BAG3: variants seen among roughly 807,000 people sequenced by gnomAD.
BAG3 encodes BAG cochaperone 3.
A neutral mutation model predicts 40.5 loss-of-function variants in BAG3; 14 were observed. The observed-to-expected ratio is 0.35, with a 90% CI of 0.23 to 0.54. The LOEUF is 0.54. Ranked by LOEUF, BAG3 falls within the 20% of genes least tolerant of loss-of-function variation. BAG3 has a pLI of 0.91. For missense variants in BAG3, 788 were observed against 758.6 expected (o/e 1.04, Z -0.46); for synonymous variants, 302 against 307.8 (o/e 0.98, Z 0.20).
chr10:119,671,317 A>G (rs1319456461), intron 2 of BAG3, among the ~76,000 whole-genome samples: 1 of 152,246 alleles, frequency 6.6e-6, no homozygotes, highest in African/African-American at 2.4e-5. Flanking sequence ...AAAATAAAAA[A>G]ATAAGTAATG....
chr10:119,658,250 C>T (rs979049510), intron 1 of BAG3, among the ~76,000 whole-genome samples: 4 of 152,218 alleles, frequency 2.6e-5, no homozygotes, highest in African/African-American at 9.6e-5. Context: ...CCTTCATGTG[C>T]AGAAGAAAAG....
chr10:119,670,086 G>A lies in BAG3; in HGVS notation c.416G>A (p.Arg139Gln), dbSNP rs769913236. 26 of 1,613,670 alleles carry A rather than the reference G, an allele frequency of 1.6e-5. No individual in the cohort carries two copies. The highest frequency in any genetic ancestry group is 2.2e-5 in the East Asian group (1 of 44,874). Residue 139 changes from arginine (R) to glutamine (Q), a missense_variant, in exon 2 of 4, where the codon CGG becomes CAG. Physicochemically the swap from Arg to Gln is conservative, Grantham distance 43. Coordinates refer to ENST00000369085, the MANE Select transcript of BAG3 (RefSeq NM_004281.4). ...AAPQRSQSPL[R>Q]GMPETTQPDK... ...CCTCAGAGGTCCCAGTCACCTCTGC[G>A]GGGCATGCCAGAAACCACTCAGCCA...
At chr10:119,652,648 A>AGAAT (rs1846859923) in intron 1 of BAG3, among the ~76,000 whole-genome samples, 1 of 152,192 alleles carries the variant, frequency 6.6e-6, no homozygotes, top group South Asian at 2.1e-4. Flanking sequence ...GGAGAGAAAG[A>AGAAT]GAATGATACG....
At position 119,656,782 on chromosome 10, in the gene BAG3, C is replaced by CACAT. The variant is rs1023421080; in HGVS notation, c.180+4930_180+4931insTACA. 42 of 152,154 alleles carry CACAT rather than the reference C, an allele frequency of 2.8e-4. 1 individual carries two copies. Among genetic ancestry groups the CACAT allele is most frequent in the African/African-American group, 1.0e-3 (42 of 41,516 alleles). 9.4% of individuals were successfully genotyped at this position (152,154 alleles called of 1,614,324 possible). On this transcript the variant is annotated intron_variant, in intron 1 of 3. Transcript: ENST00000369085. ...AATGTAGTATTTTTCTGTCTGTCAA[C>CACAT]ACACACACATATATATATATATGTG...
Position 119,669,809 on chromosome 10 carries a change from C to T in BAG3, c.181-42C>T, listed in dbSNP as rs763248776. 52 of 1,588,848 alleles carry T rather than the reference C, an allele frequency of 3.3e-5. No individual in the cohort carries two copies. The East Asian group carries it at 1.1e-3, about 35-fold the overall frequency. ...TTCCTCTGCCAGGAGGGTTCACTTC[C>T]CAGTTTCTAACCAGCCTGTGTTTCT... is the stretch of plus-strand genomic sequence containing the variant. On this transcript the variant is annotated intron_variant, in intron 1 of 3. Transcript: ENST00000369085.
At chr10:119,666,821 C>T (rs1470820784) in intron 1 of BAG3, among the ~76,000 whole-genome samples, 2 of 152,146 alleles carry the variant, frequency 1.3e-5, no homozygotes, top group Non-Finnish European at 2.9e-5. Flanking sequence ...GAGTTTTACA[C>T]AGCCATACAC....
At chr10:119,668,089 C>T (rs568837487) in intron 1 of BAG3, among the ~76,000 whole-genome samples, 127 of 152,314 alleles carry the variant, frequency 8.3e-4, no homozygotes, top group African/African-American at 2.7e-3. Context: ...AATGTAATGC[C>T]GCCGCCCTGA....
intron 1 of BAG3, among the ~76,000 whole-genome samples, chr10:119,665,939 A>G (rs1278890039): frequency 6.6e-6 from 1 of 152,190 alleles, no homozygotes; most frequent in Non-Finnish European, 1.5e-5. Context: ...CCAGGAATAC[A>G]GACCTCGGGA....
At chr10:119,674,616 A>G (rs1486060177) in intron 3 of BAG3, among the ~76,000 whole-genome samples, 3 of 152,180 alleles carry the variant, frequency 2.0e-5, no homozygotes, top group African/African-American at 7.2e-5. Flanking sequence ...CAGTTGATGA[A>G]ATTAGGGTGA....
chr10:119,670,223 G>A, intron 2 of BAG3, 46 bp downstream of exon 2: 1 of 1,569,256 alleles, frequency 6.4e-7, no homozygotes, highest in Middle Eastern at 2.1e-4. Flanking sequence ...GCAAGCCGCT[G>A]TGCTTCCCAG....
At position 119,672,476 on chromosome 10, in the gene BAG3, C is replaced by A; in HGVS notation, c.729C>A (p.His243Gln). The A allele has an allele frequency of 6.2e-7, 1 of 1,614,224 alleles. No individual in the cohort carries two copies. The highest frequency in any genetic ancestry group is 1.7e-5 in the Admixed American group (1 of 60,024). ...CGCAGCAGGGGGAGTACCAGACCCA[C>A]CAGCCTGTGTACCACAAGATCCAGG... ...YPAQQGEYQT[H>Q]QPVYHKIQGD... Residue 243 changes from histidine (H) to glutamine (Q), a missense_variant, in exon 3 of 4, where the codon CAC becomes CAA. Transcript: ENST00000369085. This position sits in a 1 kb window ranked among gnomAD's most constrained non-coding sequence, Gnocchi z 4.8.
chr10:119,651,650 C>G lies in BAG3; in HGVS notation c.-26C>G. 2 of 1,522,076 alleles carry G rather than the reference C, an allele frequency of 1.3e-6. No homozygotes were observed. Among genetic ancestry groups the G allele is most frequent in the Non-Finnish European group, 1.8e-6 (2 of 1,132,912 alleles). 94.3% of individuals were successfully genotyped at this position (1,522,076 alleles called of 1,614,324 possible). ...CCGGAGCCAGCGCCCCGCACCCGCG[C>G]CCCAGCGGGCAGACCCCAACCCAGC... On this transcript the variant is annotated 5_prime_UTR_variant, in exon 1 of 4. Coordinates refer to ENST00000369085, the MANE Select transcript of BAG3 (RefSeq NM_004281.4).
chr10:119,675,635 A>C (rs1464879202), intron 3 of BAG3, among the ~76,000 whole-genome samples: 1 of 152,208 alleles, frequency 6.6e-6, no homozygotes, highest in Non-Finnish European at 1.5e-5. Flanking sequence ...GTAAGGAAGA[A>C]GGACCAGAGG....
At chr10:119,663,064 G>A (rs2134058504) in intron 1 of BAG3, among the ~76,000 whole-genome samples, 1 of 152,306 alleles carries the variant, frequency 6.6e-6, no homozygotes, top group South Asian at 2.1e-4. Flanking sequence ...CAAGATTGGG[G>A]CTCACAGAAG....
intron 1 of BAG3, among the ~76,000 whole-genome samples, chr10:119,666,974 TTTCTTTTTTTTC>T (rs1224044952): frequency 7.2e-5 from 11 of 152,336 alleles, no homozygotes; most frequent in Admixed American, 5.2e-4. Flanking sequence ...TACTTCACTT[TTTCTTTTTTTTC>T]TTCTTTTTGA....
intron 1 of BAG3, among the ~76,000 whole-genome samples, chr10:119,661,607 A>G (rs1172679897): frequency 1.3e-5 from 2 of 152,152 alleles, no homozygotes; most frequent in African/African-American, 4.8e-5. Context: ...ACATAGGGAC[A>G]GTCATCTGTT....
chr10:119,661,596 C>G (rs1371339837), intron 1 of BAG3, among the ~76,000 whole-genome samples: 1 of 151,980 alleles, frequency 6.6e-6, no homozygotes, highest in South Asian at 2.1e-4. Context: ...CCATTGAAAA[C>G]ACATAGGGAC....
Position 119,659,114 on chromosome 10 carries a change from G to T in BAG3, c.180+7259G>T, listed in dbSNP as rs140063042. ...TGGAGCCCTCCCTGGGGCTTCCCGT[G>T]CCCCTTGTGAGTGGAGGATGTAAAG... On this transcript the variant is annotated intron_variant, in intron 1 of 3. Coordinates refer to ENST00000369085, the MANE Select transcript of BAG3 (RefSeq NM_004281.4). Among the ~76,000 whole-genome samples the T allele has an allele frequency of 4.6e-3, 697 of 152,304 alleles. 8 individuals carry two copies. Among genetic ancestry groups the T allele is most frequent in the African/African-American group, 0.016 (657 of 41,558 alleles).
intron 1 of BAG3, among the ~76,000 whole-genome samples, chr10:119,660,501 C>G (rs909117725): frequency 1.3e-5 from 2 of 152,148 alleles, no homozygotes; most frequent in African/African-American, 4.8e-5. Flanking sequence ...GATAAAGGGG[C>G]TTCTAATTCT....
Sources: allele counts gnomAD v4.1 joint callset (sites outside exome capture counted in the v4.1 genomes callset), GRCh38; gene constraint gnomAD v4.1.1; non-coding constraint Gnocchi (gnomAD v3.1); transcripts MANE v1.5; gene names NCBI Gene and HGNC (gene_info 2026-07-23, HGNC 2026-07-21).